Variants in FCER2 observed in about 807,000 individuals in gnomAD.
FCER2 encodes the protein Fc epsilon receptor II, also known as low affinity immunoglobulin epsilon Fc receptor.
Under a neutral mutation model 49.7 loss-of-function variants are expected in FCER2, and 38 were observed. That is an observed-to-expected ratio of 0.76 (90% CI 0.59 to 1.00). The LOEUF (loss-of-function observed/expected upper bound fraction) is 1.00. Among genes scored for constraint, FCER2 ranks in the 50% least tolerant of loss-of-function variants. The pLI is 0.00. For missense variants in FCER2, 425 were observed against 419.5 expected, an observed-to-expected ratio of 1.01 and a Z score of -0.11; for synonymous variants, 163 against 164.6, an observed-to-expected ratio of 0.99 and a Z score of 0.07.
chr19:7,690,235 C>T lies in FCER2; in HGVS notation c.652G>A (p.Gly218Ser), dbSNP rs148627411. Residue 218 changes from glycine to serine, a missense_variant, in exon 10 of 11, where the codon GGC becomes AGC. Transcript: ENST00000597921. ...AAGTTCCGAAGGCCAATCCAGGAGCCGGTGTGGCTGGCATGCTTGGTCAGG... is the reference window on the plus strand; with the variant it reads ...AAGTTCCGAAGGCCAATCCAGGAGCTGGTGTGGCTGGCATGCTTGGTCAGG... Reference protein sequence around the residue: ...DFLTKHASHTGSWIGLRNLDL... With the variant: ...DFLTKHASHTSSWIGLRNLDL... 62 of 1,613,902 alleles carry T rather than the reference C, an allele frequency of 3.8e-5. No individual in the cohort carries two copies. In the African/African-American group the frequency reaches 6.1e-4, roughly 16 times the overall value.
Position 7,689,282 on chromosome 19 carries a change from T to C in FCER2, c.877A>G (p.Ser293Gly). 1 of 1,613,544 alleles carries C rather than the reference T, an allele frequency of 6.2e-7. No homozygotes were observed. Among genetic ancestry groups the C allele is most frequent in the South Asian group, 1.1e-5 (1 of 91,056 alleles). The change falls in exon 11 of 11, where the codon AGC (serine) becomes GGC (glycine). Residue 293 changes from serine (S) to glycine (G), a missense_variant. Ser to Gly is a moderately conservative substitution (Grantham distance 56). Transcript: ENST00000597921. ...CCCATGGACTCCGCGGAACCTTCGC[T>C]GGCTGGCGGCGTGCATGTGGCCAGC... ...DRLATCTPPA[S>G]EGSAESMGPD...
rs73921527 is a variant in FCER2 at position 7,696,932 on chromosome 19, G to T, written c.380-18C>A. ...GTTCAATTCTTGGGGAGTCAACAAG[G>T]GGCGGTGCTCAGAGACCAACTGGCA... On this transcript the variant is annotated intron_variant, in intron 7 of 10. Transcript: ENST00000597921. The T allele has an allele frequency of 1.6e-4, 246 of 1,568,806 alleles. No individual in the cohort carries two copies. The African/African-American group carries it at 2.9e-3, about 19-fold the overall frequency.
Position 7,697,449 on chromosome 19 carries a change from T to C in FCER2, c.253+78A>G, listed in dbSNP as rs543826378. 23 of 1,497,268 alleles carry C rather than the reference T, an allele frequency of 1.5e-5. 1 individual carries two copies. In the South Asian group the frequency reaches 2.6e-4, roughly 17 times the overall value. The allele number at this position is 1,497,268 out of a possible 1,614,324, so 92.7% of individuals were successfully genotyped here. On this transcript the variant is annotated intron_variant, in intron 5 of 10. Transcript: ENST00000597921. The stretch of plus-strand genomic sequence containing the variant: ...TGTCGGGGGTGGGGCACAGTGAGTC[T>C]TAATGCTCTGGGTCCAGGAAGTCAT...
chr19:7,689,142 C>G lies in FCER2; in HGVS notation c.*51G>C. On this transcript the variant is annotated 3_prime_UTR_variant, in exon 11 of 11. Coordinates refer to ENST00000597921, the MANE Select transcript of FCER2 (RefSeq NM_001220500.2). ...TTTCAGCCACAAAGAGGCTTTTAGG[C>G]CGTGGTTGGGGGTCTTCAGGGTCTT... 7.7e-7 allele frequency: 1 copy of G among 1,301,254 alleles called. No homozygotes were observed. The allele number at this position is 1,301,254 out of a possible 1,614,324, so 80.6% of individuals were successfully genotyped here.
At chr19:7,700,742 T>C (rs2033135106) in intron 1 of FCER2, among the ~76,000 whole-genome samples, 1 of 152,088 alleles carries the variant, frequency 6.6e-6, no homozygotes, top group African/African-American at 2.4e-5. Flanking sequence ...CTCAAACTCC[T>C]GACCTCATGA....
chr19:7,698,978 A>G, intron 2 of FCER2, 124 bp from the exon 3 acceptor site: 1 of 1,013,848 alleles, frequency 9.9e-7, no homozygotes, highest in Non-Finnish European at 1.5e-6. Context: ...ACTGAAGCAA[A>G]GGGTCTCAGT....
chr19:7,692,773 C>A (rs980041640), intron 8 of FCER2, among the ~76,000 whole-genome samples: 7 of 152,070 alleles, frequency 4.6e-5, no homozygotes, highest in Non-Finnish European at 2.9e-5. Context: ...ACTGCTGACA[C>A]CATTACCATA....
chr19:7,690,547 G>C lies in FCER2; in HGVS notation c.480C>G (p.Cys160Trp), dbSNP rs1271313677. 4 of 1,613,768 alleles carry C rather than the reference G, an allele frequency of 2.5e-6. No individual in the cohort carries two copies. The highest frequency in any genetic ancestry group is 3.4e-6 in the Non-Finnish European group (4 of 1,179,914). Reference protein sequence around the residue: ...MELQVSSGFVCNTCPEKWINF... With the variant: ...MELQVSSGFVWNTCPEKWINF... Reference sequence around the variant, plus strand: ...TGATCCACTTTTCAGGGCACGTGTTGCACACAAAGCCTGGGGTGGAGGAGA... The same window carrying C: ...TGATCCACTTTTCAGGGCACGTGTTCCACACAAAGCCTGGGGTGGAGGAGA... The change falls in exon 9 of 11, where the codon TGC becomes TGG. Residue 160 changes from cysteine to tryptophan, a missense_variant. Physicochemically the swap from Cys to Trp is radical, Grantham distance 215. Transcript: ENST00000597921.
In FCER2 at chr19:7,698,866, G is replaced by A. The variant is rs1847819302; in HGVS notation, c.23-12C>T. 1 of 1,573,790 alleles carries A rather than the reference G, an allele frequency of 6.4e-7. No homozygotes were observed. The stretch of plus-strand genomic sequence containing the variant: ...AAGCTCCTCGATCTCTGCCGGGGGT[G>A]GAGGGACTGACTATGGGTGCAGGGT... On this transcript the variant is annotated splice_polypyrimidine_tract_variant and intron_variant, in intron 2 of 10. Coordinates refer to ENST00000597921, the MANE Select transcript of FCER2 (RefSeq NM_001220500.2).
At chr19:7,690,031 T>C (rs4996979) in intron 10 of FCER2, 128 bp downstream of exon 10, 210,155 of 657,004 alleles carry the variant, frequency 0.32, 38,757 homozygotes, top group African/African-American at 0.68. Flanking sequence ...CTGGCGTCCT[T>C]CTCCCCTGCA....
chr19:7,699,388 G>C, intron 2 of FCER2: 1 of 1,367,238 alleles, frequency 7.3e-7, no homozygotes, highest in African/African-American at 1.5e-5. Flanking sequence ...CTGGCTTGGA[G>C]GATTCATTAT....
chr19:7,689,579 T>C (rs1046259549), intron 10 of FCER2, 149 bp from the exon 11 acceptor site: 10 of 598,346 alleles, frequency 1.7e-5, no homozygotes, highest in South Asian at 1.6e-4. Flanking sequence ...TGGTGCCCCA[T>C]ACCCTGCAGC....
intron 8 of FCER2, among the ~76,000 whole-genome samples, chr19:7,694,875 C>G (rs1434872887): frequency 6.6e-6 from 1 of 152,102 alleles, no homozygotes; most frequent in African/African-American, 2.4e-5. Context: ...CACTCTGTTG[C>G]CCAGGCTGGA....
Position 7,689,290 on chromosome 19 carries a change from G to A in FCER2, c.869C>T (p.Pro290Leu), listed in dbSNP as rs1437962729. The change falls in exon 11 of 11, where the codon CCG (proline) becomes CTG (leucine). Residue 290 changes from proline to leucine, a missense_variant. By Grantham distance (98) the Pro-to-Leu change is moderately conservative. Transcript: ENST00000597921. ...WVCDRLATCT[P>L]PASEGSAESM... ...CTCCGCGGAACCTTCGCTGGCTGGC[G>A]GCGTGCATGTGGCCAGCCGGTCGCA... is the stretch of plus-strand genomic sequence containing the variant. 8 of 1,613,314 alleles carry A rather than the reference G, an allele frequency of 5.0e-6. No individual in the cohort carries two copies. The highest frequency in any genetic ancestry group is 3.3e-5 in the South Asian group (3 of 91,052).
rs750401656 is a variant in FCER2, at chr19:7,697,092, C to A, written c.317-17G>T. On this transcript the variant is annotated splice_polypyrimidine_tract_variant and intron_variant, in intron 6 of 10. Coordinates refer to ENST00000597921, the MANE Select transcript of FCER2 (RefSeq NM_001220500.2). ...GCTCCAAGTCTGGTGTGTGCAGGAG[C>A]GCAGGGCTGGTCTCAGGGAGGATGT... is the stretch of plus-strand genomic sequence containing the variant. 6.2e-7 allele frequency: 1 copy of A among 1,613,444 alleles called. No homozygotes were observed. The highest frequency in any genetic ancestry group is 8.5e-7 in the Non-Finnish European group (1 of 1,179,600).
intron 2 of FCER2, chr19:7,699,482 T>G (rs1372849209): frequency 2.9e-5 from 8 of 276,728 alleles, no homozygotes; most frequent in South Asian, 6.3e-5. Flanking sequence ...AAGCCGTTTT[T>G]TTTTTTTTTT....
At chr19:7,694,816 C>T (rs1269104628) in intron 8 of FCER2, among the ~76,000 whole-genome samples, 2 of 149,140 alleles carry the variant, frequency 1.3e-5, no homozygotes, top group Non-Finnish European at 3.0e-5. Flanking sequence ...GCTGTAAAAC[C>T]CCAGTTCCTA....
chr19:7,693,629 C>T (rs1264718528), intron 8 of FCER2, among the ~76,000 whole-genome samples: 2 of 151,980 alleles, frequency 1.3e-5, no homozygotes, highest in Non-Finnish European at 2.9e-5. Context: ...TTCCACTACA[C>T]GTGGTCAGAT....
In FCER2 at chr19:7,689,379, C is replaced by T; in HGVS notation, c.780G>A (p.Val260=). The change falls in exon 11 of 11, where the codon GTG becomes GTA. Residue 260 remains valine (V), a synonymous_variant. Coordinates refer to ENST00000597921, the MANE Select transcript of FCER2 (RefSeq NM_001220500.2). The stretch of plus-strand genomic sequence containing the variant: ...TCCAGCGACCGGAGCCCCGCATCAT[C>T]ACGCAGTCCTCGCCCTGGCTCCGGC... The part of the protein sequence containing the change: ...PTSRSQGEDC[V]MMRGSGRWND... The T allele has an allele frequency of 6.2e-7, 1 of 1,608,948 alleles. No homozygotes were observed. The highest frequency in any genetic ancestry group is 8.5e-7 in the Non-Finnish European group (1 of 1,178,208).
Sources: gnomAD v4.1 joint callset for allele counts (sites outside exome capture counted in the v4.1 genomes callset) on GRCh38, gnomAD v4.1.1 for gene constraint, MANE v1.5 for transcripts, NCBI Gene and HGNC (gene_info 2026-07-23, HGNC 2026-07-21) for gene names.